Variants in COP1 observed in about 807,000 individuals in gnomAD.
COP1 encodes the protein E3 ubiquitin-protein ligase COP1.
In COP1, 24 loss-of-function variants were observed where a neutral mutation model predicts 101.3. That is an observed-to-expected ratio of 0.24 (90% CI 0.17 to 0.33). The LOEUF is 0.33. COP1 is among the 10% of genes least tolerant of loss of function. The pLI, the probability that COP1 is intolerant of heterozygous loss-of-function variation, is 1.00. For missense variants in COP1, 663 were observed against 906.2 expected, an observed-to-expected ratio of 0.73 and a Z score of 3.45; for synonymous variants, 347 against 341.9, an observed-to-expected ratio of 1.01 and a Z score of -0.17.
chr1:176,156,319 G>A (rs924182195), intron 5 of COP1, among the ~76,000 whole-genome samples: 1 of 151,766 alleles, frequency 6.6e-6, no homozygotes, highest in South Asian at 2.1e-4. Context: ...AAATAGAGAA[G>A]ATAAAATGAG....
chr1:176,172,367 A>T (rs1696209755), intron 3 of COP1, among the ~76,000 whole-genome samples: 1 of 152,206 alleles, frequency 6.6e-6, no homozygotes, highest in Non-Finnish European at 1.5e-5. Context: ...ACAATCACTT[A>T]AAGTTATGAC....
At chr1:176,135,782 T>C (rs993861445) in intron 7 of COP1, among the ~76,000 whole-genome samples, 6 of 152,094 alleles carry the variant, frequency 3.9e-5, no homozygotes, top group Non-Finnish European at 7.4e-5. Context: ...TCAGGTAAAA[T>C]TATTTCTAGC....
At chr1:176,181,862 T>C (rs1483619238) in intron 2 of COP1, among the ~76,000 whole-genome samples, 1 of 150,024 alleles carries the variant, frequency 6.7e-6, no homozygotes, top group Non-Finnish European at 1.5e-5. Context: ...ACCAAACAAA[T>C]AAACAAAAAA....
intron 9 of COP1, among the ~76,000 whole-genome samples, chr1:176,098,290 C>A (rs565137470): frequency 6.6e-6 from 1 of 152,064 alleles, no homozygotes; most frequent in Non-Finnish European, 1.5e-5. Flanking sequence ...TAAGAGTTAC[C>A]ATTATAATAT....
intron 15 of COP1, among the ~76,000 whole-genome samples, chr1:176,005,652 T>A (rs531110319): frequency 6.6e-6 from 1 of 152,334 alleles, no homozygotes; most frequent in Non-Finnish European, 1.5e-5. Context: ...TTCCATGAAG[T>A]TGAGCGGTTT....
intron 9 of COP1, among the ~76,000 whole-genome samples, chr1:176,092,978 T>C (rs1337880664): frequency 1.3e-5 from 2 of 152,150 alleles, no homozygotes; most frequent in Non-Finnish European, 2.9e-5. Context: ...AATTGTAGTA[T>C]AGTAACACAA....
chr1:176,011,048 A>C (rs1319622373), intron 15 of COP1, among the ~76,000 whole-genome samples: 3 of 152,296 alleles, frequency 2.0e-5, no homozygotes, highest in Non-Finnish European at 4.4e-5. Flanking sequence ...TTCCCCTTTA[A>C]ACATGCTTTC....
intron 3 of COP1, among the ~76,000 whole-genome samples, chr1:176,165,392 GTGTGT>G (rs1694963502): frequency 6.7e-6 from 1 of 149,098 alleles, no homozygotes; most frequent in East Asian, 2.0e-4. Context: ...GTGTGTGTGT[GTGTGT>G]GTGTGTGTGT....
chr1:176,160,785 G>A (rs1332664156), intron 5 of COP1, among the ~76,000 whole-genome samples: 2 of 152,180 alleles, frequency 1.3e-5, no homozygotes, highest in Non-Finnish European at 2.9e-5. Context: ...AGATGCTGAC[G>A]AGGCTGTGGA....
At chr1:176,133,762 C>T (rs975605523) in intron 8 of COP1, 1 of 409,968 alleles carries the variant, frequency 2.4e-6, no homozygotes, top group Admixed American at 2.9e-5. Context: ...TACTGTTAAA[C>T]AGAGAGGAAA....
rs1298887687 is a variant in COP1 at position 176,046,304 on chromosome 1, C to G, written c.1298G>C (p.Cys433Ser). 1 of 1,608,874 alleles carries G rather than the reference C, an allele frequency of 6.2e-7. No homozygotes were observed. Among genetic ancestry groups the G allele is most frequent in the Non-Finnish European group, 8.5e-7 (1 of 1,178,478 alleles). Reference sequence around the variant, plus strand: ...AACTCCAGCAATCGCAAAATAGTCACAATCCCGGTCAAATTCAATACTAAG... The same window carrying G: ...AACTCCAGCAATCGCAAAATAGTCAGAATCCCGGTCAAATTCAATACTAAG... ...IVSSIEFDRD[C>S]DYFAIAGVTK... The change falls in exon 12 of 20, where the codon TGT (cysteine) becomes TCT (serine). Residue 433 changes from cysteine to serine, a missense_variant. By Grantham distance (112) the Cys-to-Ser change is moderately radical. Around this residue, in one of 4 missense-constraint regions of COP1, gnomAD observed 209 missense variants for 383.3 expected, o/e 0.55. Coordinates refer to ENST00000367669, the MANE Select transcript of COP1 (RefSeq NM_022457.7).
chr1:175,974,012 G>A (rs1418321068), intron 18 of COP1, among the ~76,000 whole-genome samples: 1 of 152,152 alleles, frequency 6.6e-6, no homozygotes, highest in Non-Finnish European at 1.5e-5. Context: ...GAGGGAGGTG[G>A]GGGCCTGATA....
intron 1 of COP1, among the ~76,000 whole-genome samples, chr1:176,201,487 T>C (rs189688029): frequency 6.6e-6 from 1 of 152,332 alleles, no homozygotes; most frequent in East Asian, 1.9e-4. Flanking sequence ...AGTTCTTAGA[T>C]GGAACATATC....
chr1:176,042,921 C>T (rs1373687448), intron 14 of COP1, among the ~76,000 whole-genome samples: 2 of 150,404 alleles, frequency 1.3e-5, no homozygotes, highest in Non-Finnish European at 3.0e-5. Context: ...TCCAGCTACT[C>T]GGGAGGGTGA....
chr1:176,049,088 C>T (rs1376411261), intron 11 of COP1, among the ~76,000 whole-genome samples: 4 of 148,604 alleles, frequency 2.7e-5, no homozygotes, highest in Non-Finnish European at 4.4e-5. Flanking sequence ...AGGAGAATGG[C>T]GTGAACCCAG....
intron 9 of COP1, among the ~76,000 whole-genome samples, chr1:176,091,696 G>A (rs1016955392): frequency 1.3e-5 from 2 of 151,940 alleles, no homozygotes; most frequent in African/African-American, 4.8e-5. Context: ...GATAGAACAG[G>A]TAACAATCGA....
At chr1:176,204,619 T>G (rs1321895396) in intron 1 of COP1, among the ~76,000 whole-genome samples, 3 of 152,160 alleles carry the variant, frequency 2.0e-5, no homozygotes, top group Non-Finnish European at 2.9e-5. Context: ...ACTAATGAGA[T>G]TCTTAGAAAG....
At chr1:176,016,288 A>G (rs1159279307) in intron 15 of COP1, among the ~76,000 whole-genome samples, 1 of 152,222 alleles carries the variant, frequency 6.6e-6, no homozygotes, top group Non-Finnish European at 1.5e-5. Context: ...CCAACATTTC[A>G]AAGAAAAGAC....
chr1:175,967,904 G>A (rs1037735476), intron 18 of COP1, among the ~76,000 whole-genome samples: 14 of 151,722 alleles, frequency 9.2e-5, no homozygotes, highest in Non-Finnish European at 1.8e-4. Context: ...GTCTCGCACC[G>A]TCACCTAGCC....
Sources: allele counts gnomAD v4.1 joint callset (sites outside exome capture counted in the v4.1 genomes callset), GRCh38; gene constraint gnomAD v4.1.1; regional missense constraint gnomAD v4.1.1; transcripts MANE v1.5; gene names NCBI Gene and HGNC (gene_info 2026-07-23, HGNC 2026-07-21).